DENND2B: variants seen among roughly 807,000 people sequenced by gnomAD.
DENND2B encodes DENN domain containing 2B, also known as DENN domain-containing protein 2B.
DENND2B carries 32 observed loss-of-function variants against 116.0 expected under a neutral mutation model. The observed-to-expected ratio is 0.28, with a 90% CI of 0.21 to 0.37. The LOEUF (loss-of-function observed/expected upper bound fraction) is 0.37. Ranked by LOEUF, DENND2B falls within the 10% of genes least tolerant of loss-of-function variation. DENND2B has a pLI of 1.00. For synonymous variants in DENND2B, 588 were observed against 583.9 expected, an observed-to-expected ratio of 1.01 and a Z score of -0.10; for missense variants, 1,276 against 1,477.7, an observed-to-expected ratio of 0.86 and a Z score of 2.24.
intron 1 of DENND2B, among the ~76,000 whole-genome samples, chr11:8,909,165 T>C (rs1266220492): frequency 2.0e-5 from 3 of 152,176 alleles, no homozygotes. Context: ...AGTAATATGT[T>C]TGCCCAGAAC....
In DENND2B at chr11:8,730,810, GTGGGCGCGGGT is replaced by G; in HGVS notation, c.469_479del (p.Thr157GlnfsTer39). ...ATATCTTCTCCCGGATGCCCAGGCT[GTGGGCGCGGGT>G]ACCGGTACGGGTCAGCAAGACGCCC... On this transcript the variant is annotated frameshift_variant, in exon 3 of 20. Coordinates refer to ENST00000313726, the MANE Select transcript of DENND2B (RefSeq NM_213618.2). LOFTEE classifies it high-confidence loss of function. This position sits in a 1 kb window ranked among gnomAD's most constrained non-coding sequence, Gnocchi z 4.1. The G allele has an allele frequency of 6.2e-7, 1 of 1,613,194 alleles. No homozygotes were observed. Among genetic ancestry groups the G allele is most frequent in the East Asian group, 2.2e-5 (1 of 44,860 alleles).
chr11:8,838,337 G>A (rs926349002), intron 4 of DENND2B, among the ~76,000 whole-genome samples: 8 of 152,054 alleles, frequency 5.3e-5, no homozygotes, highest in Admixed American at 4.6e-4. Context: ...TGTGCCTTGC[G>A]CAAGATCCCA....
At chr11:8,838,293 T>G (rs1002456244) in intron 4 of DENND2B, among the ~76,000 whole-genome samples, 1 of 152,000 alleles carries the variant, frequency 6.6e-6, no homozygotes, top group Admixed American at 6.6e-5. Flanking sequence ...TGAAATAAGT[T>G]CCCCTCTAAC....
chr11:8,793,486 A>C (rs2059559304), intron 1 of DENND2B, among the ~76,000 whole-genome samples: 1 of 152,206 alleles, frequency 6.6e-6, no homozygotes, highest in African/African-American at 2.4e-5. Flanking sequence ...AGCATTTTCA[A>C]GGTTTATCTA....
At chr11:8,776,906 A>G (rs2057798594) in intron 1 of DENND2B, among the ~76,000 whole-genome samples, 1 of 152,156 alleles carries the variant, frequency 6.6e-6, no homozygotes, top group Non-Finnish European at 1.5e-5. Context: ...ACTTGACTAC[A>G]GAGATGATGG....
chr11:8,770,418 A>G (rs560461673), intron 1 of DENND2B, among the ~76,000 whole-genome samples: 3 of 152,302 alleles, frequency 2.0e-5, no homozygotes, highest in South Asian at 2.1e-4. Flanking sequence ...AGTAGTCACT[A>G]CTTCATAGAG....
chr11:8,738,126 A>G (rs1373439873), intron 2 of DENND2B, among the ~76,000 whole-genome samples: 1 of 152,198 alleles, frequency 6.6e-6, no homozygotes, highest in Non-Finnish European at 1.5e-5. Flanking sequence ...TGCAGGAATA[A>G]CACGCTTGAG....
chr11:8,801,277 G>T (rs1411357664), intron 1 of DENND2B, among the ~76,000 whole-genome samples: 1 of 152,012 alleles, frequency 6.6e-6, no homozygotes, highest in African/African-American at 2.4e-5. Flanking sequence ...GCTGACTGGG[G>T]GACGCTTATC....
At chr11:8,823,851 C>G (rs570264834) in intron 4 of DENND2B, among the ~76,000 whole-genome samples, 3 of 151,746 alleles carry the variant, frequency 2.0e-5, no homozygotes, top group Admixed American at 1.3e-4. Flanking sequence ...TACATGAACC[C>G]TTTTTTTCCT....
chr11:8,799,198 T>C (rs893920422), intron 1 of DENND2B, among the ~76,000 whole-genome samples: 2 of 152,138 alleles, frequency 1.3e-5, no homozygotes, highest in African/African-American at 4.8e-5. Flanking sequence ...ACAAAACCAA[T>C]AGCCCTTCTT....
chr11:8,705,467 G>A (rs1565650502), intron 13 of DENND2B, among the ~76,000 whole-genome samples: 2 of 152,104 alleles, frequency 1.3e-5, no homozygotes, highest in Admixed American at 6.6e-5. Context: ...GCCCTCTCCT[G>A]AGTGTTCCTC....
chr11:8,774,505 AG>A (rs1397575672), intron 1 of DENND2B, among the ~76,000 whole-genome samples: 1 of 152,186 alleles, frequency 6.6e-6, no homozygotes, highest in African/African-American at 2.4e-5. Context: ...TCTGACAGAG[AG>A]GAAGTGTGCT....
At chr11:8,813,229 T>C (rs1186548832), upstream of DENND2B, among the ~76,000 whole-genome samples, 1 of 152,102 alleles carries the variant, frequency 6.6e-6, no homozygotes, top group Non-Finnish European at 1.5e-5. Flanking sequence ...GGTAGGAAAG[T>C]GTTATAAAAT....
intron 2 of DENND2B, among the ~76,000 whole-genome samples, chr11:8,742,343 G>C (rs779696776): frequency 2.7e-4 from 41 of 152,130 alleles, no homozygotes; most frequent in Admixed American, 2.4e-3. Flanking sequence ...TTTTTGAGGT[G>C]GGTGGTTGGC....
chr11:8,903,615 T>G (rs1043781422), intron 1 of DENND2B, among the ~76,000 whole-genome samples: 9 of 152,012 alleles, frequency 5.9e-5, no homozygotes, highest in Non-Finnish European at 1.2e-4. Context: ...GGGCAAATTC[T>G]TAGACACCAA....
intron 2 of DENND2B, among the ~76,000 whole-genome samples, chr11:8,869,208 A>T (rs138263045): frequency 1.3e-5 from 2 of 152,338 alleles, no homozygotes; most frequent in African/African-American, 4.8e-5. Flanking sequence ...AGCCAATCCA[A>T]TCTAAGCGTT....
chr11:8,803,777 G>C lies in DENND2B; in HGVS notation c.-26+6740C>G, dbSNP rs547951657. 8.9e-4 allele frequency among the ~76,000 whole-genome samples: 135 copies of C among 152,318 alleles called. 1 individual carries two copies. Among genetic ancestry groups the C allele is most frequent in the African/African-American group, 3.0e-3 (125 of 41,580 alleles). On this transcript the variant is annotated intron_variant, in intron 1 of 19. Transcript: ENST00000313726. The stretch of plus-strand genomic sequence containing the variant: ...GTTTACAGAGATGAACTCACCAGAG[G>C]TCCACAGATAGAGGAAAAACCAGAC...
chr11:8,830,516 A>G (rs1214270837), intron 4 of DENND2B, among the ~76,000 whole-genome samples: 6 of 152,230 alleles, frequency 3.9e-5, no homozygotes, highest in Admixed American at 3.3e-4. Context: ...TAATATTTGC[A>G]TCACAATGTC....
intron 4 of DENND2B, among the ~76,000 whole-genome samples, chr11:8,836,004 C>T (rs1363768550): frequency 1.3e-5 from 2 of 151,890 alleles, no homozygotes; most frequent in African/African-American, 2.4e-5. Context: ...GCATCCTCAT[C>T]GGGGATGTAG....
Sources: gnomAD v4.1 joint callset for allele counts (sites outside exome capture counted in the v4.1 genomes callset) on GRCh38, gnomAD v4.1.1 for gene constraint, Gnocchi (gnomAD v3.1) non-coding constraint, MANE v1.5 for transcripts, NCBI Gene and HGNC (gene_info 2026-07-23, HGNC 2026-07-21) for gene names.